Variants in PLA2G6 observed in about 807,000 individuals in gnomAD.
PLA2G6 encodes phospholipase A2 group VI.
PLA2G6 carries 62 observed loss-of-function variants against 83.8 expected under a neutral mutation model. The observed-to-expected ratio is 0.74, with a 90% confidence interval of 0.60 to 0.91. The LOEUF (loss-of-function observed/expected upper bound fraction) is 0.91. Ranked by LOEUF, PLA2G6 falls within the 40% of genes least tolerant of loss-of-function variation. The pLI, the probability that PLA2G6 is intolerant of heterozygous loss-of-function variation, is 0.00. For synonymous variants in PLA2G6, 417 were observed against 449.8 expected, an observed-to-expected ratio of 0.93 and a Z score of 0.92; for missense variants, 944 against 1,102.0, an observed-to-expected ratio of 0.86 and a Z score of 2.03.
At chr22:38,119,559 G>T (rs1602083277) in intron 12 of PLA2G6, among the ~76,000 whole-genome samples, 1 of 152,192 alleles carries the variant, frequency 6.6e-6, no homozygotes, top group African/African-American at 2.4e-5. Context: ...AAACTAGGCT[G>T]GGCATGGTGG....
chr22:38,125,603 G>A, intron 10 of PLA2G6: 2 of 464,604 alleles, frequency 4.3e-6, no homozygotes, highest in Non-Finnish European at 8.9e-6. Flanking sequence ...CGTGGGTTCG[G>A]AAGACCCGGC....
chr22:38,157,827 G>A (rs1216711822), intron 2 of PLA2G6, among the ~76,000 whole-genome samples: 1 of 152,112 alleles, frequency 6.6e-6, no homozygotes, highest in African/African-American at 2.4e-5. Context: ...CCTGAGGTCA[G>A]GTGTCGAGAC....
At chr22:38,124,646 ATCTT>A (rs2087726893) in intron 10 of PLA2G6, among the ~76,000 whole-genome samples, 1 of 151,704 alleles carries the variant, frequency 6.6e-6, no homozygotes, top group Non-Finnish European at 1.5e-5. Context: ...TCCATTCGCA[ATCTT>A]TCTTTTACTC....
intron 2 of PLA2G6, chr22:38,168,112 TG>T (rs1382355766): frequency 1.2e-5 from 2 of 161,052 alleles, no homozygotes; most frequent in African/African-American, 4.8e-5. Context: ...CCTCAAGGGG[TG>T]CTATGACGCC....
intron 2 of PLA2G6, among the ~76,000 whole-genome samples, chr22:38,160,308 T>C (rs1436514023): frequency 2.0e-5 from 3 of 152,206 alleles, no homozygotes; most frequent in Non-Finnish European, 4.4e-5. Flanking sequence ...GGCGGTATTA[T>C]TTACTAACGT....
At chr22:38,133,235 G>A (rs1271867027) in intron 6 of PLA2G6, 3 of 594,278 alleles carry the variant, frequency 5.0e-6, no homozygotes, top group Non-Finnish European at 9.0e-6. Flanking sequence ...CCAAAGATGT[G>A]CTGACTGTTT....
At chr22:38,164,755 G>C (rs188996085) in intron 2 of PLA2G6, among the ~76,000 whole-genome samples, 1 of 152,148 alleles carries the variant, frequency 6.6e-6, no homozygotes, top group African/African-American at 2.4e-5. Context: ...TCTAACACGC[G>C]TCAAGTACTC....
chr22:38,149,934 C>CCGA lies in PLA2G6; in HGVS notation c.210-4282_210-4281insTCG, dbSNP rs1369728172. On this transcript the variant is annotated intron_variant, in intron 2 of 16. Transcript: ENST00000332509. ...TAGGCAAAAGAGTGAAACTCCATCT[C>CCGA]TGATCACGCTACTTCACTCCAGCTT... The CCGA allele has an allele frequency of 1.0e-3, 156 of 150,996 alleles. 6 individuals carry two copies. The highest frequency in any genetic ancestry group is 3.1e-3 in the African/African-American group (129 of 41,154). 9.4% of individuals were successfully genotyped at this position (150,996 alleles called of 1,614,324 possible). A position where few individuals can be genotyped will look rare whatever the true frequency, so the allele number is the denominator to read the frequency against.
rs1457538438 is a variant in PLA2G6 at position 38,145,566 on chromosome 22, AG to A, written c.296del (p.Pro99LeufsTer12). On this transcript the variant is annotated frameshift_variant, in exon 3 of 17. Transcript: ENST00000332509. LOFTEE classifies it high-confidence loss of function. The part of the protein sequence containing the change: ...SQLLPFYESS[P>X]QVLHTEVLQH... ...GCAGGACCTCAGTGTGCAGGACCTGAGGGGAGCTCTCATAGAAGGGTAGCAG... is the reference window on the plus strand; with the variant it reads ...GCAGGACCTCAGTGTGCAGGACCTGAGGGAGCTCTCATAGAAGGGTAGCAG... 1 of 1,613,828 alleles carries A rather than the reference AG, an allele frequency of 6.2e-7. No homozygotes were observed. The highest frequency in any genetic ancestry group is 1.7e-5 in the Admixed American group (1 of 59,994).
chr22:38,125,123 C>A (rs899352633), intron 10 of PLA2G6, among the ~76,000 whole-genome samples: 1 of 151,954 alleles, frequency 6.6e-6, no homozygotes, highest in Non-Finnish European at 1.5e-5. Flanking sequence ...TATGTACATG[C>A]ATGTGTGTAC....
chr22:38,115,976 C>A, intron 13 of PLA2G6, 99 bp downstream of exon 13: 2 of 1,514,308 alleles, frequency 1.3e-6, no homozygotes, highest in Non-Finnish European at 1.8e-6. Flanking sequence ...GCTGGTGGCA[C>A]GGTGAGGGTG....
At chr22:38,163,957 C>G (rs1188476454) in intron 2 of PLA2G6, among the ~76,000 whole-genome samples, 1 of 152,120 alleles carries the variant, frequency 6.6e-6, no homozygotes, top group Non-Finnish European at 1.5e-5. Flanking sequence ...CAAAAGTCAG[C>G]TCCCGGTAGG....
At chr22:38,130,196 A>G (rs997193054) in intron 7 of PLA2G6, 8 of 180,460 alleles carry the variant, frequency 4.4e-5, no homozygotes, top group South Asian at 2.5e-4. Flanking sequence ...CTGCCTAGAG[A>G]ATGAAGCTGT....
Position 38,128,329 on chromosome 22 carries a change from G to A in PLA2G6, c.1288C>T (p.Pro430Ser). 1 of 1,613,442 alleles carries A rather than the reference G, an allele frequency of 6.2e-7. No individual in the cohort carries two copies. Among genetic ancestry groups the A allele is most frequent in the Non-Finnish European group, 8.5e-7 (1 of 1,180,006 alleles). ...CTTTCCAGGGAGAAGGGATGATGTG[G>A]CGCTGCAGAGCCCTGCTCCGCGGGG... is the stretch of plus-strand genomic sequence containing the variant. ...GVPAEQGSAA[P>S]HHPFSLERAQ... Residue 430 changes from proline to serine, a missense_variant, in exon 9 of 17, where the codon CCA (proline) becomes TCA (serine). Physicochemically the swap from Pro to Ser is moderately conservative, Grantham distance 74 (BLOSUM62 -1). Transcript: ENST00000332509. The surrounding 1 kb of genome is among the most constrained non-coding windows in gnomAD (Gnocchi z 4.4).
chr22:38,112,207 T>G lies in PLA2G6; in HGVS notation c.2375A>C (p.His792Pro), dbSNP rs893021938. The change falls in exon 17 of 17, where the codon CAC becomes CCC. Residue 792 changes from histidine to proline, a missense_variant. His to Pro is a moderately conservative substitution (Grantham distance 77). Coordinates refer to ENST00000332509, the MANE Select transcript of PLA2G6 (RefSeq NM_003560.4). The stretch of plus-strand genomic sequence containing the variant: ...GATGAGCTTCTGGAACTCCTCGCGG[T>G]GCTCATAGATGTAGACCTCGGTCTC... ...LWETEVYIYE[H>P]REEFQKLIQL... The G allele has an allele frequency of 6.2e-7, 1 of 1,608,948 alleles. No individual in the cohort carries two copies. Among genetic ancestry groups the G allele is most frequent in the South Asian group, 1.1e-5 (1 of 89,982 alleles).
At chr22:38,112,941 C>CT in intron 15 of PLA2G6, 1 of 398,690 alleles carries the variant, frequency 2.5e-6, no homozygotes, top group Non-Finnish European at 4.7e-6. Context: ...AGGTCTCCTT[C>CT]TGTTGCTCAG....
chr22:38,131,330 T>A (rs923187905), intron 7 of PLA2G6: 1 of 152,196 alleles, frequency 6.6e-6, no homozygotes, highest in African/African-American at 2.4e-5. Context: ...AGTTATTTTT[T>A]AAGTTTTTTA....
chr22:38,145,675 G>A, intron 2 of PLA2G6, 22 bp from the exon 3 acceptor site: 1 of 1,554,338 alleles, frequency 6.4e-7, no homozygotes, highest in Non-Finnish European at 8.8e-7. Flanking sequence ...GGACAGAGGA[G>A]CAAGACCCGA....
chr22:38,136,241 A>C (rs1032482600), intron 5 of PLA2G6: 7 of 152,120 alleles, frequency 4.6e-5, no homozygotes, highest in Admixed American at 4.6e-4. Flanking sequence ...GAAAGGGGTA[A>C]TGGTTGGACA....
Sources: gnomAD v4.1 joint callset for allele counts (sites outside exome capture counted in the v4.1 genomes callset) on GRCh38, gnomAD v4.1.1 for gene constraint, Gnocchi (gnomAD v3.1) non-coding constraint, MANE v1.5 for transcripts, NCBI Gene and HGNC (gene_info 2026-07-23, HGNC 2026-07-21) for gene names.